MTOR: variants seen among roughly 807,000 people sequenced by gnomAD.
MTOR encodes the protein serine/threonine-protein kinase mTOR.
In MTOR, 70 loss-of-function variants were observed where a neutral mutation model predicts 319.8. The ratio of observed to expected loss-of-function variants is 0.22; its 90% CI spans 0.18 to 0.27. MTOR has a LOEUF of 0.27. Among genes scored for constraint, MTOR ranks in the 10% least tolerant of loss-of-function variants. The pLI is 1.00. For synonymous variants in MTOR, 1,183 were observed against 1,211.4 expected, an observed-to-expected ratio of 0.98 and a Z score of 0.49; for missense variants, 1,890 against 3,274.4, an observed-to-expected ratio of 0.58 and a Z score of 10.32.
intron 18 of MTOR, 22 bp downstream of exon 18, chr1:11,230,903 T>G (rs747709468): frequency 6.2e-7 from 1 of 1,613,180 alleles, no homozygotes; most frequent in African/African-American, 1.3e-5. Context: ...TGGCAAGTCT[T>G]TCATGGCTAC....
chr1:11,132,992 C>T lies in MTOR; in HGVS notation c.5364+88G>A, dbSNP rs562467580. ...TAAGTTCACAGCATCAGCCTAGCTCCGCAGAAGCTCAGCTGTAACCACGAG... is the reference window on the plus strand; with the variant it reads ...TAAGTTCACAGCATCAGCCTAGCTCTGCAGAAGCTCAGCTGTAACCACGAG... On this transcript the variant is annotated intron_variant, in intron 38 of 57. Transcript: ENST00000361445. The T allele has an allele frequency of 4.1e-5, 47 of 1,139,620 alleles. No homozygotes were observed. In the East Asian group the frequency reaches 6.1e-4, roughly 15 times the overall value. The allele number at this position is 1,139,620 out of a possible 1,614,324, so 70.6% of individuals were successfully genotyped here. A position where few individuals can be genotyped will look rare whatever the true frequency, so the allele number is the denominator to read the frequency against.
In MTOR at chr1:11,212,881, C is replaced by T. The variant is rs529153687; in HGVS notation, c.3313G>A (p.Ala1105Thr). 3.7e-6 allele frequency: 6 copies of T among 1,613,952 alleles called. No homozygotes were observed. The highest frequency in any genetic ancestry group is 2.2e-5 in the South Asian group (2 of 91,054). ...KLLAAIQLFG[A>T]NLDDYLHLLL... ...AAATGCAGGTAGTCATCCAGGTTGG[C>T]GCCAAACAGCTGGATTGCAGCCAGT... Residue 1105 changes from alanine to threonine, a missense_variant, in exon 22 of 58, where the codon GCC becomes ACC. By Grantham distance (58) the Ala-to-Thr change is moderately conservative. Coordinates refer to ENST00000361445, the MANE Select transcript of MTOR (RefSeq NM_004958.4). This position sits in a 1 kb window ranked among gnomAD's most constrained non-coding sequence, Gnocchi z 4.1.
At position 11,212,230 on chromosome 1, in the gene MTOR, A is replaced by T. The variant is rs1646336151; in HGVS notation, c.3561+82T>A. 2 of 1,501,130 alleles carry T rather than the reference A, an allele frequency of 1.3e-6. No homozygotes were observed. The highest frequency in any genetic ancestry group is 4.4e-5 in the Admixed American group (2 of 45,040). 93.0% of individuals were successfully genotyped at this position (1,501,130 alleles called of 1,614,324 possible). A position where few individuals can be genotyped will look rare whatever the true frequency, so the allele number is the denominator to read the frequency against. On this transcript the variant is annotated intron_variant, in intron 23 of 57. Transcript: ENST00000361445. The surrounding 1 kb of genome is among the most constrained non-coding windows in gnomAD (Gnocchi z 4.1). ...GTTCTCTGATGGTGGCTGGCATCAG[A>T]CAAAGTCTGAGTGGCTCACAGACAA...
At chr1:11,207,430 A>C (rs1242932929) in intron 25 of MTOR, among the ~76,000 whole-genome samples, 1 of 29,006 alleles carries the variant, frequency 3.4e-5, no homozygotes, top group African/African-American at 5.7e-5. Flanking sequence ...TTTTTTTTGA[A>C]GAGAATCTTG....
chr1:11,219,688 G>A (rs1217794698), intron 19 of MTOR, among the ~76,000 whole-genome samples: 1 of 152,030 alleles, frequency 6.6e-6, no homozygotes, highest in African/African-American at 2.4e-5. Context: ...TATAATAGAA[G>A]TATTCGACAG....
At chr1:11,169,507 T>C (rs1013883789) in intron 28 of MTOR, among the ~76,000 whole-genome samples, 1 of 152,230 alleles carries the variant, frequency 6.6e-6, no homozygotes, top group Non-Finnish European at 1.5e-5. Flanking sequence ...TTTTTCCCCA[T>C]GTCAGACTGA....
rs1263676844 is a variant in MTOR at position 11,133,889 on chromosome 1, G to C, written c.5246+462C>G. Among the ~76,000 whole-genome samples, 1 of 152,168 alleles carries C rather than the reference G, an allele frequency of 6.6e-6. No individual in the cohort carries two copies. Among genetic ancestry groups the C allele is most frequent in the Admixed American group, 6.5e-5 (1 of 15,278 alleles). ...AGCCTGGGCAACATTAAACTTGTAGGAGGAAATGCAGGCTCTATGCCTGTT... is the reference window on the plus strand; with the variant it reads ...AGCCTGGGCAACATTAAACTTGTAGCAGGAAATGCAGGCTCTATGCCTGTT... On this transcript the variant is annotated intron_variant, in intron 37 of 57. Coordinates refer to ENST00000361445, the MANE Select transcript of MTOR (RefSeq NM_004958.4). The surrounding 1 kb of genome is among the most constrained non-coding windows in gnomAD (Gnocchi z 4.0).
At chr1:11,236,343 CCAG>C (rs931948223) in intron 13 of MTOR, among the ~76,000 whole-genome samples, 2 of 151,920 alleles carry the variant, frequency 1.3e-5, no homozygotes, top group African/African-American at 4.8e-5. Context: ...GTCATGTTCC[CCAG>C]GCTGGTCTTG....
chr1:11,178,387 G>T (rs1472975561), intron 28 of MTOR, among the ~76,000 whole-genome samples: 2 of 152,268 alleles, frequency 1.3e-5, no homozygotes, highest in South Asian at 2.1e-4. Flanking sequence ...TGCTGGCCAG[G>T]TTTGCAACTG....
intron 25 of MTOR, 121 bp downstream of exon 25, chr1:11,209,191 T>C (rs1646234737): frequency 4.1e-6 from 5 of 1,205,036 alleles, no homozygotes; most frequent in Admixed American, 2.2e-5. Flanking sequence ...TCATGGTATC[T>C]AGATTTCTGG....
At chr1:11,260,915 GAGTAGC>G (rs999561271) in intron 1 of MTOR, among the ~76,000 whole-genome samples, 1 of 150,588 alleles carries the variant, frequency 6.6e-6, no homozygotes, top group African/African-American at 2.4e-5. Flanking sequence ...TCAGCTTCCC[GAGTAGC>G]TGGGACTACA....
intron 6 of MTOR, among the ~76,000 whole-genome samples, 188 bp downstream of exon 6, chr1:11,253,651 T>A (rs1330500554): frequency 1.3e-5 from 2 of 152,162 alleles, no homozygotes; most frequent in African/African-American, 4.8e-5. Context: ...CCCCTCCCCA[T>A]CACTCTCTAT....
intron 28 of MTOR, among the ~76,000 whole-genome samples, chr1:11,168,755 T>C (rs1030198677): frequency 2.0e-5 from 3 of 152,232 alleles, no homozygotes; most frequent in Admixed American, 6.5e-5. Context: ...GTGCCTGCAG[T>C]TGGTTCATCA....
At chr1:11,216,069 A>C (rs200191188) in intron 20 of MTOR, 79 bp downstream of exon 20, 1 of 983,754 alleles carries the variant, frequency 1.0e-6, no homozygotes, top group Admixed American at 2.0e-5. Context: ...CGTGAAAAAA[A>C]GTCTATGTCA....
In MTOR at chr1:11,144,717, C is replaced by T. The variant is rs2100506475; in HGVS notation, c.4803G>A (p.Glu1601=). ...VSCHMLSELE[E]VIQYKLVPER... ...CGGGGACAAGTTTGTACTGGATAAC[C>T]TCCTCCAGCTCGGACAGCATGTGGC... Residue 1601 remains glutamate, a synonymous_variant, in exon 34 of 58, where the codon GAG becomes GAA. Coordinates refer to ENST00000361445, the MANE Select transcript of MTOR (RefSeq NM_004958.4). The T allele has an allele frequency of 1.2e-6, 2 of 1,613,844 alleles. No homozygotes were observed. The highest frequency in any genetic ancestry group is 1.3e-5 in the African/African-American group (1 of 75,010).
chr1:11,224,539 A>G (rs1646769022), intron 19 of MTOR, among the ~76,000 whole-genome samples: 1 of 152,202 alleles, frequency 6.6e-6, no homozygotes, highest in African/African-American at 2.4e-5. Context: ...GAAGGACACA[A>G]AAGATTTGAA....
At chr1:11,176,961 C>T (rs927792498) in intron 28 of MTOR, among the ~76,000 whole-genome samples, 1 of 152,054 alleles carries the variant, frequency 6.6e-6, no homozygotes, top group Non-Finnish European at 1.5e-5. Flanking sequence ...GACAGCAGGG[C>T]AGACAGAAGC....
chr1:11,171,204 A>G (rs1490670729), intron 28 of MTOR, among the ~76,000 whole-genome samples: 2 of 151,732 alleles, frequency 1.3e-5, no homozygotes, highest in Non-Finnish European at 2.9e-5. Context: ...CAAAAAAAAA[A>G]AAAAGAAAAA....
chr1:11,112,615 G>A (rs1269267194), intron 54 of MTOR, among the ~76,000 whole-genome samples: 2 of 152,206 alleles, frequency 1.3e-5, no homozygotes, highest in Non-Finnish European at 2.9e-5. Flanking sequence ...GCCTCCTACT[G>A]TCAATAACAA....
Sources: allele counts gnomAD v4.1 joint callset (sites outside exome capture counted in the v4.1 genomes callset), GRCh38; gene constraint gnomAD v4.1.1; non-coding constraint Gnocchi (gnomAD v3.1); transcripts MANE v1.5; gene names NCBI Gene and HGNC (gene_info 2026-07-23, HGNC 2026-07-21).